PXDNL: variants seen among roughly 807,000 people sequenced by gnomAD.
PXDNL encodes probable oxidoreductase PXDNL.
A neutral mutation model predicts 150.8 loss-of-function variants in PXDNL; 145 were observed. The observed-to-expected ratio is 0.96, with a 90% CI of 0.84 to 1.10. The LOEUF (loss-of-function observed/expected upper bound fraction) is 1.10. PXDNL is among the 50% of genes least tolerant of loss of function. PXDNL has a pLI of 0.00. For missense variants in PXDNL, 2,087 were observed against 1,873.9 expected, an observed-to-expected ratio of 1.11 and a Z score of -2.10; for synonymous variants, 757 against 725.7, an observed-to-expected ratio of 1.04 and a Z score of -0.69.
chr8:51,722,705 CCTTCT>C (rs1816754048), intron 1 of PXDNL, among the ~76,000 whole-genome samples: 1 of 152,132 alleles, frequency 6.6e-6, no homozygotes, highest in Non-Finnish European at 1.5e-5. Flanking sequence ...TTCAGACACT[CCTTCT>C]CTTCTTTATG....
At chr8:51,718,008 T>C (rs1439448080) in intron 1 of PXDNL, among the ~76,000 whole-genome samples, 2 of 152,192 alleles carry the variant, frequency 1.3e-5, no homozygotes, top group African/African-American at 4.8e-5. Flanking sequence ...CTAGATTTTT[T>C]TTTTTAATTA....
chr8:51,614,460 T>C (rs1247562253), intron 2 of PXDNL, among the ~76,000 whole-genome samples: 1 of 152,186 alleles, frequency 6.6e-6, no homozygotes, highest in Admixed American at 6.5e-5. Flanking sequence ...CTCACTTACA[T>C]TTACTATACC....
At chr8:51,433,173 C>A (rs1053387635) in intron 12 of PXDNL, among the ~76,000 whole-genome samples, 1 of 151,068 alleles carries the variant, frequency 6.6e-6, no homozygotes, top group African/African-American at 2.4e-5. Flanking sequence ...CGCACCACAG[C>A]ACTCCAGCCT....
At chr8:51,376,279 A>G (rs1807307672) in intron 17 of PXDNL, among the ~76,000 whole-genome samples, 1 of 152,220 alleles carries the variant, frequency 6.6e-6, no homozygotes, top group Non-Finnish European at 1.5e-5. Flanking sequence ...AGACAGGCAT[A>G]TTATTCCTCG....
At chr8:51,451,109 A>G (rs889391139) in intron 10 of PXDNL, among the ~76,000 whole-genome samples, 5 of 151,210 alleles carry the variant, frequency 3.3e-5, no homozygotes, top group African/African-American at 1.2e-4. Context: ...AACTTTAATA[A>G]TTATTAACAT....
chr8:51,509,735 CAT>C (rs553993472), intron 4 of PXDNL, among the ~76,000 whole-genome samples: 212 of 107,020 alleles, frequency 2.0e-3, no homozygotes, highest in Non-Finnish European at 2.4e-3. Context: ...TATATATATA[CAT>C]ATATACACAC....
intron 1 of PXDNL, among the ~76,000 whole-genome samples, chr8:51,791,541 C>T (rs2037513462): frequency 6.6e-6 from 1 of 152,228 alleles, no homozygotes; most frequent in Admixed American, 6.5e-5. Context: ...CCATGTCATC[C>T]AGGTGACTTT....
At chr8:51,370,281 G>T (rs1257166362) in intron 19 of PXDNL, among the ~76,000 whole-genome samples, 1 of 152,004 alleles carries the variant, frequency 6.6e-6, no homozygotes, top group African/African-American at 2.4e-5. Context: ...TCTACACGGA[G>T]CCATTGCTTC....
At chr8:51,728,460 C>A (rs912285797) in intron 1 of PXDNL, among the ~76,000 whole-genome samples, 1 of 152,012 alleles carries the variant, frequency 6.6e-6, no homozygotes, top group Admixed American at 6.6e-5. Context: ...GGTGCTACTG[C>A]CCCAAAGATG....
intron 17 of PXDNL, among the ~76,000 whole-genome samples, chr8:51,375,508 C>T (rs1421563334): frequency 1.3e-5 from 2 of 152,204 alleles, no homozygotes; most frequent in East Asian, 1.9e-4. Context: ...GTTTAGTTTG[C>T]ATGTTTTAAC....
chr8:51,337,237 A>C (rs1805855753), intron 21 of PXDNL, among the ~76,000 whole-genome samples: 1 of 152,226 alleles, frequency 6.6e-6, no homozygotes, highest in South Asian at 2.1e-4. Flanking sequence ...TATCAAATAC[A>C]CAATTATCAC....
chr8:51,375,503 G>A (rs1807274316), intron 17 of PXDNL, among the ~76,000 whole-genome samples: 2 of 152,146 alleles, frequency 1.3e-5, no homozygotes, highest in African/African-American at 4.8e-5. Flanking sequence ...AAATAGTTTA[G>A]TTTGCATGTT....
intron 21 of PXDNL, among the ~76,000 whole-genome samples, chr8:51,331,540 TAA>T (rs1490987567): frequency 1.3e-5 from 2 of 152,150 alleles, no homozygotes; most frequent in East Asian, 1.9e-4. Flanking sequence ...GGGGAAGAAC[TAA>T]AGCCCTTTTC....
At chr8:51,652,638 A>C (rs1815066009) in intron 2 of PXDNL, among the ~76,000 whole-genome samples, 1 of 152,204 alleles carries the variant, frequency 6.6e-6, no homozygotes, top group African/African-American at 2.4e-5. Flanking sequence ...TATCTGCCTC[A>C]ATTTGGGTAA....
intron 3 of PXDNL, among the ~76,000 whole-genome samples, chr8:51,582,515 G>C (rs73588779): frequency 0.051 from 7,768 of 152,184 alleles, 465 homozygotes; most frequent in African/African-American, 0.15. Flanking sequence ...AAAAACACTT[G>C]TCTATATTCA....
chr8:51,659,972 C>A (rs1585655254), intron 1 of PXDNL, among the ~76,000 whole-genome samples: 1 of 151,720 alleles, frequency 6.6e-6, no homozygotes, highest in East Asian at 1.9e-4. Context: ...CTCACTGCAA[C>A]CTCCACCTCC....
chr8:51,536,159 C>T (rs1394456478), intron 4 of PXDNL, among the ~76,000 whole-genome samples: 1 of 152,196 alleles, frequency 6.6e-6, no homozygotes, highest in Non-Finnish European at 1.5e-5. Context: ...CAAGTTCTAT[C>T]TTAATGAACA....
At chr8:51,524,413 C>T (rs1340662280) in intron 4 of PXDNL, among the ~76,000 whole-genome samples, 2 of 152,062 alleles carry the variant, frequency 1.3e-5, no homozygotes, top group Non-Finnish European at 2.9e-5. Flanking sequence ...GGCTTGGTAG[C>T]CTCCTTTTTC....
chr8:51,506,261 G>A (rs2130317896), intron 4 of PXDNL, among the ~76,000 whole-genome samples: 1 of 152,212 alleles, frequency 6.6e-6, no homozygotes, highest in African/African-American at 2.4e-5. Flanking sequence ...TACAGAAAAA[G>A]GCTGGGCACA....
Sources: gnomAD v4.1 joint callset for allele counts (sites outside exome capture counted in the v4.1 genomes callset) on GRCh38, gnomAD v4.1.1 for gene constraint, MANE v1.5 for transcripts, NCBI Gene and HGNC (gene_info 2026-07-23, HGNC 2026-07-21) for gene names.